The following KCNE1 variants were observed in gnomAD, a reference collection of about 807,000 sequenced individuals.
KCNE1 encodes the protein potassium voltage-gated channel subfamily E member 1.
In KCNE1, 1 loss-of-function variant was observed where a neutral mutation model predicts 2.9. The observed-to-expected ratio is 0.34, with a 90% CI of 0.12 to 1.62. KCNE1 has a LOEUF of 1.62. KCNE1 is among the 40% of genes most tolerant of loss of function. The probability of loss-of-function intolerance (pLI) is 0.36; values close to 1 mark genes in which losing one functional copy is unlikely to be tolerated. For missense variants in KCNE1, 45 were observed against 150.5 expected (o/e 0.30, Z 3.67); for synonymous variants, 23 against 65.4 (o/e 0.35, Z 3.13).
intron 2 of KCNE1, among the ~76,000 whole-genome samples, chr21:34,496,446 A>G (rs918629630): frequency 6.6e-6 from 1 of 152,080 alleles, no homozygotes. Context: ...CAGATTACTT[A>G]ATTTCCATGT....
intron 2 of KCNE1, among the ~76,000 whole-genome samples, chr21:34,501,283 C>T (rs1169161526): frequency 6.6e-6 from 1 of 152,142 alleles, no homozygotes; most frequent in African/African-American, 2.4e-5. Flanking sequence ...AGTTACTGCT[C>T]AAAGGAAAAC....
intron 2 of KCNE1, among the ~76,000 whole-genome samples, chr21:34,508,979 T>G (rs912125032): frequency 1.3e-5 from 2 of 152,240 alleles, no homozygotes; most frequent in African/African-American, 4.8e-5. Context: ...ATAAAACAAC[T>G]ACTGTGTATT....
chr21:34,511,185 G>A lies in KCNE1; in HGVS notation c.-246C>T. On this transcript the variant is annotated 5_prime_UTR_variant, in exon 2 of 4. Transcript: ENST00000399286. ...GCTCCTTCTCTTCAGGTGGTCTTAG[G>A]AACTTCTCAGAACTTTTTGAGTTAT... The A allele has an allele frequency of 1.0e-6, 1 of 985,680 alleles. No individual in the cohort carries two copies. 61.1% of individuals were successfully genotyped at this position (985,680 alleles called of 1,614,324 possible).
intron 2 of KCNE1, among the ~76,000 whole-genome samples, chr21:34,499,768 T>G (rs1983051902): frequency 6.6e-6 from 1 of 152,234 alleles, no homozygotes; most frequent in African/African-American, 2.4e-5. Flanking sequence ...AATGCACAGT[T>G]TTTTGCCTGT....
At chr21:34,507,392 G>A (rs76723275) in intron 2 of KCNE1, among the ~76,000 whole-genome samples, 3 of 152,160 alleles carry the variant, frequency 2.0e-5, no homozygotes, top group Admixed American at 6.5e-5. Flanking sequence ...AGGGGAAAAC[G>A]CTCATATGCA....
chr21:34,497,648 G>A (rs1398624746), intron 2 of KCNE1, among the ~76,000 whole-genome samples: 1 of 152,116 alleles, frequency 6.6e-6, no homozygotes, highest in Non-Finnish European at 1.5e-5. Context: ...ATAATCTGAT[G>A]ACTACATGCC....
chr21:34,508,872 T>G (rs1014279865), intron 2 of KCNE1, among the ~76,000 whole-genome samples: 2 of 152,236 alleles, frequency 1.3e-5, no homozygotes, highest in Admixed American at 1.3e-4. Context: ...TTTGGAGTGT[T>G]TATGCTTCAC....
At chr21:34,501,095 G>A (rs987566046) in intron 2 of KCNE1, among the ~76,000 whole-genome samples, 18 of 152,294 alleles carry the variant, frequency 1.2e-4, no homozygotes, top group East Asian at 1.9e-4. Flanking sequence ...GGGATTAAGC[G>A]TGTGTATAAT....
chr21:34,509,290 C>A (rs531759880), intron 2 of KCNE1, among the ~76,000 whole-genome samples: 2 of 152,330 alleles, frequency 1.3e-5, no homozygotes, highest in South Asian at 4.1e-4. Context: ...GGGGGCCATC[C>A]TCAGCTCCTA....
chr21:34,504,014 C>G (rs530808396), intron 2 of KCNE1, among the ~76,000 whole-genome samples: 1 of 152,326 alleles, frequency 6.6e-6, no homozygotes, highest in Admixed American at 6.5e-5. Flanking sequence ...TCCGGTCACA[C>G]AGATGTGAGA....
chr21:34,495,722 T>C (rs1039227861), intron 2 of KCNE1, among the ~76,000 whole-genome samples: 26 of 152,042 alleles, frequency 1.7e-4, no homozygotes, highest in Non-Finnish European at 3.4e-4. Context: ...TCAGTTGTAA[T>C]AGCTTCTGTT....
chr21:34,508,321 C>T (rs958652639), intron 2 of KCNE1, among the ~76,000 whole-genome samples: 8 of 152,072 alleles, frequency 5.3e-5, no homozygotes, highest in African/African-American at 1.9e-4. Flanking sequence ...AGCCACTGCA[C>T]TGGCTGGGTT....
intron 2 of KCNE1, among the ~76,000 whole-genome samples, chr21:34,501,217 T>C (rs573687772): frequency 2.0e-5 from 3 of 152,332 alleles, no homozygotes; most frequent in South Asian, 4.1e-4. Flanking sequence ...ACTCTACTTA[T>C]GTACATTTTA....
At chr21:34,511,378 A>T in intron 1 of KCNE1, 63 bp from the exon 2 acceptor site, 1 of 837,122 alleles carries the variant, frequency 1.2e-6, no homozygotes, top group Non-Finnish European at 1.4e-6. Flanking sequence ...GGGAGGTGGG[A>T]CCTAATGGGA....
chr21:34,501,772 C>A (rs1438345953), intron 2 of KCNE1, among the ~76,000 whole-genome samples: 1 of 152,174 alleles, frequency 6.6e-6, no homozygotes, highest in African/African-American at 2.4e-5. Context: ...GAACCCAGCC[C>A]CATACTATGA....
chr21:34,508,848 C>T (rs192855346), intron 2 of KCNE1, among the ~76,000 whole-genome samples: 365 of 152,304 alleles, frequency 2.4e-3, no homozygotes, highest in Non-Finnish European at 3.8e-3. Flanking sequence ...GTTTTCTTTA[C>T]TACAGTAGTA....
intron 2 of KCNE1, among the ~76,000 whole-genome samples, chr21:34,506,304 T>G (rs1204704918): frequency 6.6e-6 from 1 of 152,220 alleles, no homozygotes; most frequent in Non-Finnish European, 1.5e-5. Context: ...CGTGGTTTCT[T>G]GCTTCAGCTT....
intron 2 of KCNE1, chr21:34,510,358 C>T (rs184173847): frequency 6.6e-6 from 1 of 152,360 alleles, no homozygotes; most frequent in East Asian, 1.9e-4. Flanking sequence ...ACCGGGGCTC[C>T]GAAGGCCCTG....
intron 2 of KCNE1, among the ~76,000 whole-genome samples, chr21:34,509,029 T>C (rs1303909215): frequency 6.6e-6 from 1 of 152,216 alleles, no homozygotes; most frequent in East Asian, 1.9e-4. Context: ...ACACCACAAA[T>C]TCATCACCTT....
Sources: allele counts gnomAD v4.1 joint callset (sites outside exome capture counted in the v4.1 genomes callset), GRCh38; gene constraint gnomAD v4.1.1; transcripts MANE v1.5; gene names NCBI Gene and HGNC (gene_info 2026-07-23, HGNC 2026-07-21).